The following SPECC1 variants were observed in gnomAD, a reference collection of about 807,000 sequenced individuals.
SPECC1 encodes cytospin-B.
In SPECC1, 62 loss-of-function variants were observed where a neutral mutation model predicts 104.1. That is an observed-to-expected ratio of 0.60 (90% CI 0.49 to 0.74). The LOEUF (loss-of-function observed/expected upper bound fraction) is 0.74. Among genes scored for constraint, SPECC1 ranks in the 30% least tolerant of loss-of-function variants. The pLI is 0.00. For synonymous variants in SPECC1, 513 were observed against 501.6 expected (o/e 1.02, Z -0.30); for missense variants, 1,306 against 1,310.5 (o/e 1.00, Z 0.05).
intron 4 of SPECC1, among the ~76,000 whole-genome samples, chr17:20,222,839 C>G (rs966066498): frequency 6.6e-6 from 1 of 152,150 alleles, no homozygotes; most frequent in African/African-American, 2.4e-5. Flanking sequence ...GGGAAAGTCT[C>G]TATTTCTCTG....
chr17:20,058,472 A>T (rs2046051488), intron 1 of SPECC1, among the ~76,000 whole-genome samples: 1 of 152,170 alleles, frequency 6.6e-6, no homozygotes, highest in Admixed American at 6.5e-5. Flanking sequence ...AGTCTGGGCA[A>T]CATGGTGAGA....
intron 1 of SPECC1, among the ~76,000 whole-genome samples, chr17:20,094,456 A>G (rs1386683291): frequency 2.6e-5 from 4 of 152,186 alleles, no homozygotes; most frequent in Non-Finnish European, 5.9e-5. Context: ...CCAAGGACTT[A>G]GACTCCTGAA....
At chr17:20,257,916 A>C (rs187102584) in intron 11 of SPECC1, among the ~76,000 whole-genome samples, 1 of 152,354 alleles carries the variant, frequency 6.6e-6, no homozygotes, top group East Asian at 1.9e-4. Context: ...CATTACAAGC[A>C]CGCTGTGGAA....
At chr17:20,082,536 C>T (rs982393908) in intron 1 of SPECC1, among the ~76,000 whole-genome samples, 2 of 152,078 alleles carry the variant, frequency 1.3e-5, no homozygotes, top group Admixed American at 6.6e-5. Context: ...TTTGAGGCTT[C>T]AGTGAGGTAT....
chr17:20,221,118 G>C (rs1330137896), intron 4 of SPECC1, among the ~76,000 whole-genome samples: 1 of 152,040 alleles, frequency 6.6e-6, no homozygotes, highest in Non-Finnish European at 1.5e-5. Flanking sequence ...TTGGCCTATA[G>C]TTTTCTTTTT....
At chr17:20,125,073 G>T in intron 3 of SPECC1, among the ~76,000 whole-genome samples, 1 of 152,078 alleles carries the variant, frequency 6.6e-6, no homozygotes, top group East Asian at 1.9e-4. Flanking sequence ...CCAGCTACTC[G>T]GGAGGCTGAG....
chr17:20,231,875 T>C (rs747280050), intron 6 of SPECC1, 44 bp downstream of exon 6: 1 of 1,581,296 alleles, frequency 6.3e-7, no homozygotes, highest in Non-Finnish European at 8.7e-7. Flanking sequence ...TCCTATGAAT[T>C]ACCCGCTCCG....
At chr17:20,264,986 TC>T (rs2040169530) in intron 12 of SPECC1, among the ~76,000 whole-genome samples, 1 of 152,226 alleles carries the variant, frequency 6.6e-6, no homozygotes, top group Non-Finnish European at 1.5e-5. Context: ...GCTGTGTATT[TC>T]CATGGTGTAT....
intron 10 of SPECC1, among the ~76,000 whole-genome samples, chr17:20,256,099 G>A (rs1023101359): frequency 8.6e-5 from 13 of 151,648 alleles, no homozygotes; most frequent in African/African-American, 2.2e-4. Flanking sequence ...GGATGGTCTC[G>A]ATCTCCTGAC....
chr17:20,084,036 G>A (rs529225512), intron 1 of SPECC1, among the ~76,000 whole-genome samples: 11 of 152,278 alleles, frequency 7.2e-5, no homozygotes, highest in Admixed American at 3.9e-4. Flanking sequence ...ATCTTGTGTG[G>A]TGAAGTTTTT....
At chr17:20,090,260 G>C (rs1348966189) in intron 1 of SPECC1, among the ~76,000 whole-genome samples, 1 of 152,216 alleles carries the variant, frequency 6.6e-6, no homozygotes, top group Non-Finnish European at 1.5e-5. Flanking sequence ...CCTTCCCTGA[G>C]CCTGTGGGCA....
intron 3 of SPECC1, among the ~76,000 whole-genome samples, chr17:20,173,689 T>C (rs775175083): frequency 3.9e-5 from 6 of 152,224 alleles, no homozygotes; most frequent in Non-Finnish European, 7.3e-5. Context: ...TAAAGGTACA[T>C]GAACAAAGCT....
chr17:20,267,965 CCT>C (rs2040272522), intron 12 of SPECC1, among the ~76,000 whole-genome samples: 1 of 152,142 alleles, frequency 6.6e-6, no homozygotes, highest in Non-Finnish European at 1.5e-5. Context: ...TCTCCTGAGT[CCT>C]CTGTTACCTC....
chr17:20,298,948 A>AGAGAGAGAGTGTGTGTGTGTGTGT lies in SPECC1; in HGVS notation c.3057+1872_3057+1873insAGAGAGAGTGTGTGTGTGTGTGTG. On this transcript the variant is annotated intron_variant, in intron 13 of 14. Coordinates refer to ENST00000395527, the MANE Select transcript of SPECC1 (RefSeq NM_001243439.2). ...GAGAGAGAGAGAGAGAGAGAGAGAG[A>AGAGAGAGAGTGTGTGTGTGTGTGT]GTGTGTGTGTGTGTGTGTGTGTGTA... Among the ~76,000 whole-genome samples, 346 of 48,894 alleles carry AGAGAGAGAGTGTGTGTGTGTGTGT rather than the reference A, an allele frequency of 7.1e-3. 2 individuals carry two copies. The highest frequency in any genetic ancestry group is 0.025 in the East Asian group (3 of 120). 32.1% of individuals were successfully genotyped at this position (48,894 alleles called of 152,430 possible).
intron 12 of SPECC1, among the ~76,000 whole-genome samples, chr17:20,295,754 A>G (rs924585940): frequency 6.6e-6 from 1 of 152,096 alleles, no homozygotes; most frequent in Non-Finnish European, 1.5e-5. Context: ...TTTGATTTGC[A>G]TTTCTCTGAT....
chr17:20,021,702 A>ATATATTTTTT (rs1402960712), intron 1 of SPECC1, among the ~76,000 whole-genome samples: 267 of 139,238 alleles, frequency 1.9e-3, no homozygotes, highest in African/African-American at 6.8e-3. Flanking sequence ...ATATATATAT[A>ATATATTTTTT]TTTTTTTGTA....
intron 1 of SPECC1, among the ~76,000 whole-genome samples, chr17:20,028,585 CCAGTACCACA>C (rs1248011045): frequency 1.3e-5 from 2 of 152,056 alleles, no homozygotes; most frequent in East Asian, 3.8e-4. Flanking sequence ...GTGTCTTTTG[CCAGTACCACA>C]CAGTCTTGAT....
intron 4 of SPECC1, among the ~76,000 whole-genome samples, chr17:20,223,436 G>A (rs2038013053): frequency 6.6e-6 from 1 of 152,018 alleles, no homozygotes; most frequent in African/African-American, 2.4e-5. Flanking sequence ...AGCACTTTGG[G>A]AGGCCGGAGT....
chr17:20,122,750 G>A (rs1424994689), intron 3 of SPECC1, among the ~76,000 whole-genome samples: 2 of 152,056 alleles, frequency 1.3e-5, no homozygotes, highest in Non-Finnish European at 2.9e-5. Flanking sequence ...TTTTGCAACC[G>A]GCTTATTTCA....
Sources: allele counts gnomAD v4.1 joint callset (sites outside exome capture counted in the v4.1 genomes callset), GRCh38; gene constraint gnomAD v4.1.1; transcripts MANE v1.5; gene names NCBI Gene and HGNC (gene_info 2026-07-23, HGNC 2026-07-21).